LRRC4C: variants seen among roughly 807,000 people sequenced by gnomAD.
The protein encoded by LRRC4C is leucine rich repeat containing 4C, also known as leucine-rich repeat-containing protein 4C.
LRRC4C carries 5 observed loss-of-function variants against 33.6 expected under a neutral mutation model. The ratio of observed to expected loss-of-function variants is 0.15; its 90% confidence interval spans 0.08 to 0.31. LRRC4C has a LOEUF of 0.31. Among genes scored for constraint, LRRC4C ranks in the 10% least tolerant of loss-of-function variants. The pLI, the probability that LRRC4C is intolerant of heterozygous loss-of-function variation, is 1.00. For synonymous variants in LRRC4C, 329 were observed against 302.0 expected, an observed-to-expected ratio of 1.09 and a Z score of -0.93; for missense variants, 560 against 796.7, an observed-to-expected ratio of 0.70 and a Z score of 3.58.
intron 3 of LRRC4C, among the ~76,000 whole-genome samples, chr11:40,359,457 C>T (rs908775723): frequency 5.3e-5 from 8 of 152,118 alleles, no homozygotes; most frequent in African/African-American, 1.9e-4. Context: ...AATGAAACCT[C>T]AATGTTAATT....
intron 3 of LRRC4C, among the ~76,000 whole-genome samples, chr11:40,322,238 A>G (rs918326165): frequency 6.6e-6 from 1 of 152,048 alleles, no homozygotes; most frequent in African/African-American, 2.4e-5. Flanking sequence ...GCATGTTTTA[A>G]AAAAGAAATT....
intron 5 of LRRC4C, among the ~76,000 whole-genome samples, chr11:40,152,864 G>C (rs1488949524): frequency 6.6e-6 from 1 of 152,070 alleles, no homozygotes; most frequent in Non-Finnish European, 1.5e-5. Context: ...CACCCTCATA[G>C]CAGATGACAA....
At chr11:40,701,306 T>C (rs1368819749) in intron 2 of LRRC4C, among the ~76,000 whole-genome samples, 1 of 152,108 alleles carries the variant, frequency 6.6e-6, no homozygotes, top group Non-Finnish European at 1.5e-5. Flanking sequence ...GCAGCATTAA[T>C]ATGACACACC....
intron 1 of LRRC4C, among the ~76,000 whole-genome samples, chr11:40,935,186 G>A (rs1424206629): frequency 6.6e-6 from 1 of 152,082 alleles, no homozygotes; most frequent in Non-Finnish European, 1.5e-5. Context: ...ATTCAAAACA[G>A]GTATGTAGTA....
intron 3 of LRRC4C, among the ~76,000 whole-genome samples, chr11:40,611,336 C>T (rs912745009): frequency 6.6e-6 from 1 of 151,718 alleles, no homozygotes; most frequent in Non-Finnish European, 1.5e-5. Context: ...GAAAATGGAC[C>T]CCTGACTTAC....
intron 1 of LRRC4C, among the ~76,000 whole-genome samples, chr11:41,251,444 A>G (rs1273805356): frequency 6.6e-6 from 1 of 152,150 alleles, no homozygotes; most frequent in Non-Finnish European, 1.5e-5. Context: ...TCTCTGTATA[A>G]AGTGTGTGTC....
chr11:41,049,535 G>A (rs1858046214), intron 1 of LRRC4C, among the ~76,000 whole-genome samples: 1 of 152,130 alleles, frequency 6.6e-6, no homozygotes, highest in Non-Finnish European at 1.5e-5. Flanking sequence ...GAAATGGGTT[G>A]GGTAGAAGCA....
chr11:40,115,141 T>C lies in LRRC4C; in HGVS notation c.1152A>G (p.Val384=). ...KCRASTSLTS[V]SWITPNGTVM... ...CTGTTCCATTTGGAGTAATCCAAGA[T>C]ACAGATGTCAGGGATGTGGAGGCCC... The change falls in exon 7 of 7, where the codon GTA becomes GTG. Residue 384 remains valine (V), a synonymous_variant. Transcript: ENST00000528697. This position sits in a 1 kb window ranked among gnomAD's most constrained non-coding sequence, Gnocchi z 6.7. The C allele has an allele frequency of 6.2e-7, 1 of 1,614,214 alleles. No homozygotes were observed. The highest frequency in any genetic ancestry group is 8.5e-7 in the Non-Finnish European group (1 of 1,180,036).
chr11:40,549,289 T>A (rs1224742214), intron 3 of LRRC4C, among the ~76,000 whole-genome samples: 1 of 152,100 alleles, frequency 6.6e-6, no homozygotes, highest in African/African-American at 2.4e-5. Flanking sequence ...TCTGAGAACA[T>A]CCTCACTATT....
intron 2 of LRRC4C, among the ~76,000 whole-genome samples, chr11:40,848,406 C>T (rs1211170706): frequency 6.6e-6 from 1 of 152,050 alleles, no homozygotes. Flanking sequence ...TCATTATTTA[C>T]CCAGTCGTTA....
At chr11:41,299,620 A>G (rs1323801341) in intron 1 of LRRC4C, among the ~76,000 whole-genome samples, 2 of 152,160 alleles carry the variant, frequency 1.3e-5, no homozygotes, top group African/African-American at 4.8e-5. Context: ...AATAAAGTGA[A>G]TTTATGATCC....
At chr11:41,027,953 C>G (rs1288554579) in intron 1 of LRRC4C, among the ~76,000 whole-genome samples, 1 of 151,532 alleles carries the variant, frequency 6.6e-6, no homozygotes, top group Non-Finnish European at 1.5e-5. Flanking sequence ...AAAACTCAAA[C>G]AGTAATTTAG....
chr11:40,398,243 T>C (rs992894885), intron 3 of LRRC4C, among the ~76,000 whole-genome samples: 4 of 152,058 alleles, frequency 2.6e-5, no homozygotes, highest in African/African-American at 9.7e-5. Context: ...TGAAAAAATA[T>C]AAATACTATT....
chr11:41,301,285 C>T (rs1950280242), intron 1 of LRRC4C, among the ~76,000 whole-genome samples: 1 of 152,124 alleles, frequency 6.6e-6, no homozygotes, highest in African/African-American at 2.4e-5. Context: ...ACTAAATAAA[C>T]TGATGAAACG....
At chr11:40,273,163 T>C (rs1240989820) in intron 4 of LRRC4C, among the ~76,000 whole-genome samples, 2 of 152,138 alleles carry the variant, frequency 1.3e-5, no homozygotes, top group Non-Finnish European at 2.9e-5. Flanking sequence ...TAATACGCAG[T>C]ATGTATCAAA....
intron 5 of LRRC4C, among the ~76,000 whole-genome samples, chr11:40,228,736 A>G (rs1433651335): frequency 6.6e-6 from 1 of 152,206 alleles, no homozygotes; most frequent in African/African-American, 2.4e-5. Flanking sequence ...TTGTGATCAC[A>G]GCTTTTCGTT....
At chr11:40,380,653 A>G (rs1216974284) in intron 3 of LRRC4C, among the ~76,000 whole-genome samples, 1 of 152,222 alleles carries the variant, frequency 6.6e-6, no homozygotes, top group Non-Finnish European at 1.5e-5. Flanking sequence ...CGTGTAAAGT[A>G]TCCGCTACCC....
In LRRC4C at chr11:41,107,704, G is replaced by A. The variant is rs139903813; in HGVS notation, c.-495-173981C>T. 3.0e-3 allele frequency among the ~76,000 whole-genome samples: 457 copies of A among 152,192 alleles called. 3 individuals are homozygous for A. Among genetic ancestry groups the A allele is most frequent in the African/African-American group, 0.01 (435 of 41,550 alleles). On this transcript the variant is annotated intron_variant, in intron 1 of 6. Coordinates refer to ENST00000528697, the MANE Select transcript of LRRC4C (RefSeq NM_001258419.2). ...TGTAATCCCAGCACTTTGATAGGCC[G>A]AAGCAGGCAGATCACCTGAGGTCAG...
At chr11:40,817,311 G>C (rs757932520) in intron 2 of LRRC4C, among the ~76,000 whole-genome samples, 37 of 152,146 alleles carry the variant, frequency 2.4e-4, no homozygotes, top group Non-Finnish European at 5.1e-4. Context: ...GACAGACAGA[G>C]AGACTTTCTG....
Sources: allele counts gnomAD v4.1 joint callset (sites outside exome capture counted in the v4.1 genomes callset), GRCh38; gene constraint gnomAD v4.1.1; non-coding constraint Gnocchi (gnomAD v3.1); transcripts MANE v1.5; gene names NCBI Gene and HGNC (gene_info 2026-07-23, HGNC 2026-07-21).